SLC24A3: variants seen among roughly 807,000 people sequenced by gnomAD.
SLC24A3 encodes sodium/potassium/calcium exchanger 3.
SLC24A3 carries 28 observed loss-of-function variants against 75.8 expected under a neutral mutation model. That is an observed-to-expected ratio of 0.37 (90% CI 0.27 to 0.51). The LOEUF (loss-of-function observed/expected upper bound fraction) is 0.51, where lower values mean the gene tolerates loss of function less well. Among genes scored for constraint, SLC24A3 ranks in the 20% least tolerant of loss-of-function variants. The pLI, the probability that SLC24A3 is intolerant of heterozygous loss-of-function variation, is 0.94. For synonymous variants in SLC24A3, 372 were observed against 334.1 expected, an observed-to-expected ratio of 1.11 and a Z score of -1.24; for missense variants, 663 against 847.8, an observed-to-expected ratio of 0.78 and a Z score of 2.71.
intron 8 of SLC24A3, among the ~76,000 whole-genome samples, chr20:19,670,377 C>T (rs1053247175): frequency 6.6e-5 from 10 of 152,166 alleles, no homozygotes; most frequent in African/African-American, 2.2e-4. Flanking sequence ...GCCAACAGAG[C>T]AAACTTGAAA....
rs2122729670 is a variant in SLC24A3 at position 19,673,628 on chromosome 20, G to A, written c.741G>A (p.Met247Ile). 6.2e-7 allele frequency: 1 copy of A among 1,614,068 alleles called. No homozygotes were observed. Among genetic ancestry groups the A allele is most frequent in the Non-Finnish European group, 8.5e-7 (1 of 1,179,944 alleles). The change falls in exon 9 of 17, where the codon ATG becomes ATA. Residue 247 changes from methionine (M) to isoleucine (I), a missense_variant. Around this residue, in one of 2 missense-constraint regions of SLC24A3, gnomAD observed 510 missense variants for 703.6 expected, o/e 0.72. Transcript: ENST00000328041. ...SWWESLVLVLMYLIYIVIMKY... is the reference protein window; with the variant it reads ...SWWESLVLVLIYLIYIVIMKY... The stretch of plus-strand genomic sequence containing the variant: ...GGGAGTCTTTAGTCCTTGTGCTGAT[G>A]TATCTTATCTACATTGTCATCATGA...
chr20:19,465,694 C>T (rs527505619), intron 2 of SLC24A3, among the ~76,000 whole-genome samples: 1 of 152,226 alleles, frequency 6.6e-6, no homozygotes, highest in South Asian at 2.1e-4. Flanking sequence ...AGCAGGTTCC[C>T]CTTTGTCATA....
At chr20:19,354,117 G>A (rs1985629553) in intron 2 of SLC24A3, among the ~76,000 whole-genome samples, 1 of 152,164 alleles carries the variant, frequency 6.6e-6, no homozygotes, top group Non-Finnish European at 1.5e-5. Flanking sequence ...CTACTCAATA[G>A]TTTCAAAGAA....
intron 6 of SLC24A3, among the ~76,000 whole-genome samples, chr20:19,650,271 G>T (rs2032187112): frequency 2.6e-5 from 4 of 152,188 alleles, no homozygotes; most frequent in African/African-American, 9.7e-5. Flanking sequence ...ATAAAGAAGA[G>T]AAAGGATATC....
At chr20:19,323,959 T>G (rs1239285917) in intron 2 of SLC24A3, among the ~76,000 whole-genome samples, 1 of 152,218 alleles carries the variant, frequency 6.6e-6, no homozygotes, top group Non-Finnish European at 1.5e-5. Context: ...CTTTCTAGTC[T>G]GTCATAGATA....
intron 2 of SLC24A3, among the ~76,000 whole-genome samples, chr20:19,312,493 T>C (rs1984482581): frequency 6.6e-6 from 1 of 152,198 alleles, no homozygotes; most frequent in African/African-American, 2.4e-5. Flanking sequence ...CATTCTCCAC[T>C]TACCTCCTCC....
At chr20:19,566,910 C>G (rs2030967871) in intron 3 of SLC24A3, among the ~76,000 whole-genome samples, 1 of 152,180 alleles carries the variant, frequency 6.6e-6, no homozygotes, top group African/African-American at 2.4e-5. Context: ...ATGAAAAATG[C>G]TCAACATCAC....
intron 1 of SLC24A3, among the ~76,000 whole-genome samples, chr20:19,266,950 A>G (rs6045943): frequency 0.66 from 100,980 of 152,050 alleles, 34,161 homozygotes; most frequent in East Asian, 0.96. Context: ...ATATTTAAAA[A>G]AGTGGTCTCA....
chr20:19,283,257 G>A (rs1983712502), intron 2 of SLC24A3: 1 of 151,632 alleles, frequency 6.6e-6, no homozygotes. Context: ...ACACATCAAG[G>A]GCTGGGTCAG....
At chr20:19,231,750 C>T (rs150958838) in intron 1 of SLC24A3, among the ~76,000 whole-genome samples, 1,790 of 152,300 alleles carry the variant, frequency 0.012, 51 homozygotes, top group African/African-American at 0.041. Flanking sequence ...CAATAGGAAA[C>T]GCACGCACCC....
chr20:19,676,183 T>C (rs1049149609), intron 9 of SLC24A3, among the ~76,000 whole-genome samples: 5 of 152,204 alleles, frequency 3.3e-5, no homozygotes, highest in African/African-American at 4.8e-5. Context: ...CTGGCATGCA[T>C]CTTATAGCCA....
intron 2 of SLC24A3, among the ~76,000 whole-genome samples, chr20:19,456,681 C>G (rs141577884): frequency 7.9e-5 from 12 of 152,318 alleles, no homozygotes; most frequent in Non-Finnish European, 1.3e-4. Flanking sequence ...CTTCACTGCC[C>G]CTCTACAGCT....
At chr20:19,676,503 A>T (rs1176521618) in intron 9 of SLC24A3, among the ~76,000 whole-genome samples, 3 of 152,172 alleles carry the variant, frequency 2.0e-5, no homozygotes, top group Admixed American at 6.5e-5. Flanking sequence ...GGCTTTAATC[A>T]TTGGGTTTTA....
At chr20:19,375,765 T>TC (rs11482940) in intron 2 of SLC24A3, among the ~76,000 whole-genome samples, 79,562 of 152,078 alleles carry the variant, frequency 0.52, 22,937 homozygotes, top group African/African-American at 0.77. Context: ...TGAGGTGACC[T>TC]CCCAGGCATC....
At position 19,280,173 on chromosome 20, in the gene SLC24A3, C is replaced by CT. The variant is rs533691364; in HGVS notation, c.143-785dup. Among the ~76,000 whole-genome samples, 34 of 152,278 alleles carry CT rather than the reference C, an allele frequency of 2.2e-4. No individual in the cohort carries two copies. The South Asian group carries it at 6.8e-3, about 31-fold the overall frequency. On this transcript the variant is annotated intron_variant, in intron 1 of 16. Coordinates refer to ENST00000328041, the MANE Select transcript of SLC24A3 (RefSeq NM_020689.4). ...GCACTGCACTGGCCCCTTCAGTGTGCTCTTTAGCCTGTGTTCTTTCTTCTG... is the reference window on the plus strand; with the variant it reads ...GCACTGCACTGGCCCCTTCAGTGTGCTTCTTTAGCCTGTGTTCTTTCTTCTG...
At chr20:19,512,295 A>G (rs1269274700) in intron 2 of SLC24A3, among the ~76,000 whole-genome samples, 1 of 152,202 alleles carries the variant, frequency 6.6e-6, no homozygotes, top group Admixed American at 6.5e-5. Flanking sequence ...GACCCTGACG[A>G]AGCTCCTGTG....
chr20:19,449,635 A>G (rs748496501), intron 2 of SLC24A3, among the ~76,000 whole-genome samples: 1 of 152,168 alleles, frequency 6.6e-6, no homozygotes, highest in Non-Finnish European at 1.5e-5. Context: ...CACTAATTCA[A>G]AAGGGGCTGG....
At chr20:19,380,399 C>T (rs151211992) in intron 2 of SLC24A3, among the ~76,000 whole-genome samples, 4,647 of 152,266 alleles carry the variant, frequency 0.031, 113 homozygotes, top group Admixed American at 0.049. Flanking sequence ...GAGGCCGGGC[C>T]TGATTTCAAG....
At chr20:19,398,183 G>A (rs1986489875) in intron 2 of SLC24A3, among the ~76,000 whole-genome samples, 1 of 151,912 alleles carries the variant, frequency 6.6e-6, no homozygotes, top group Admixed American at 6.6e-5. Flanking sequence ...TTAACTTAAA[G>A]GCTCTGTAAC....
Sources: allele counts gnomAD v4.1 joint callset (sites outside exome capture counted in the v4.1 genomes callset), GRCh38; gene constraint gnomAD v4.1.1; regional missense constraint gnomAD v4.1.1; transcripts MANE v1.5; gene names NCBI Gene and HGNC (gene_info 2026-07-23, HGNC 2026-07-21).